Variants in OCA2 observed in about 807,000 individuals in gnomAD.
The protein encoded by OCA2 is P protein.
A neutral mutation model predicts 100.2 loss-of-function variants in OCA2; 77 were observed. That is an observed-to-expected ratio of 0.77 (90% CI 0.64 to 0.93). The LOEUF (loss-of-function observed/expected upper bound fraction) is 0.93. OCA2 is among the 40% of genes least tolerant of loss of function. The pLI is 0.00. For synonymous variants in OCA2, 432 were observed against 439.2 expected (o/e 0.98, Z 0.21); for missense variants, 1,062 against 1,089.1 (o/e 0.98, Z 0.35).
At chr15:27,974,573 G>A (rs2040905519) in intron 14 of OCA2, among the ~76,000 whole-genome samples, 1 of 152,164 alleles carries the variant, frequency 6.6e-6, no homozygotes, top group Admixed American at 6.5e-5. Flanking sequence ...TCCAAGACCA[G>A]CTTGGGCAAC....
intron 19 of OCA2, among the ~76,000 whole-genome samples, chr15:27,891,086 G>GT (rs1212295176): frequency 1.5e-4 from 22 of 151,676 alleles, no homozygotes; most frequent in Non-Finnish European, 2.8e-4. Flanking sequence ...AAGCAGAAAT[G>GT]TGTACACACA....
chr15:27,958,069 C>G (rs962964432), intron 15 of OCA2, among the ~76,000 whole-genome samples: 3 of 151,926 alleles, frequency 2.0e-5, no homozygotes, highest in African/African-American at 7.3e-5. Flanking sequence ...GGGTAGGGGG[C>G]AGGGATAGCA....
intron 19 of OCA2, among the ~76,000 whole-genome samples, chr15:27,884,623 CAG>C (rs1297696925): frequency 6.6e-6 from 1 of 152,112 alleles, no homozygotes; most frequent in South Asian, 2.1e-4. Flanking sequence ...ACATTGGAAT[CAG>C]AGATCCATTT....
At chr15:27,780,137 A>T (rs1218364392) in intron 23 of OCA2, among the ~76,000 whole-genome samples, 12 of 152,220 alleles carry the variant, frequency 7.9e-5, no homozygotes, top group Non-Finnish European at 1.3e-4. Context: ...CAATTCCATT[A>T]AAGGAAATGT....
chr15:27,738,715 G>A, the OCA2 span, among the ~76,000 whole-genome samples: 1 of 101,680 alleles, frequency 9.8e-6, no homozygotes, highest in Admixed American at 1.1e-4. Context: ...AGCGAGACTC[G>A]GTCTCAGAAA....
At chr15:28,001,037 G>A (rs1295982944) in intron 9 of OCA2, among the ~76,000 whole-genome samples, 1 of 152,098 alleles carries the variant, frequency 6.6e-6, no homozygotes, top group African/African-American at 2.4e-5. Flanking sequence ...CACATGGAAA[G>A]CAATATAGAA....
chr15:27,810,219 T>C (rs142498402), intron 23 of OCA2, among the ~76,000 whole-genome samples: 28 of 152,244 alleles, frequency 1.8e-4, no homozygotes, highest in African/African-American at 6.7e-4. Context: ...TTACAGCCAA[T>C]TGATCTTTGA....
intron 2 of OCA2, among the ~76,000 whole-genome samples, chr15:28,046,013 G>A (rs149136731): frequency 6.7e-4 from 102 of 152,238 alleles, no homozygotes; most frequent in African/African-American, 1.9e-3. Context: ...GAGATGGCTC[G>A]CTGGTTAGGG....
At chr15:27,859,435 A>C (rs1236446369) in intron 21 of OCA2, among the ~76,000 whole-genome samples, 1 of 152,178 alleles carries the variant, frequency 6.6e-6, no homozygotes, top group African/African-American at 2.4e-5. Context: ...AAATAAATAA[A>C]TTTCTAGAAA....
intron 14 of OCA2, among the ~76,000 whole-genome samples, chr15:27,977,200 T>A (rs2040997555): frequency 6.6e-6 from 1 of 152,152 alleles, no homozygotes; most frequent in Admixed American, 6.5e-5. Context: ...ATTGATCTTG[T>A]CAAAGAACCA....
At chr15:28,059,484 T>C (rs1025175320) in intron 2 of OCA2, among the ~76,000 whole-genome samples, 1 of 152,186 alleles carries the variant, frequency 6.6e-6, no homozygotes, top group Non-Finnish European at 1.5e-5. Context: ...AAGCATGCAG[T>C]GAGCTATGAC....
intron 19 of OCA2, among the ~76,000 whole-genome samples, chr15:27,907,976 T>C (rs937527979): frequency 2.0e-5 from 3 of 152,148 alleles, no homozygotes; most frequent in Non-Finnish European, 4.4e-5. Flanking sequence ...TTTCAGATTA[T>C]TGAAAAGAAG....
chr15:28,096,212 T>TTGTCTCCGGGGCGTGGTTG (rs2044978786), intron 1 of OCA2, among the ~76,000 whole-genome samples: 1 of 148,240 alleles, frequency 6.7e-6, no homozygotes, highest in African/African-American at 2.5e-5. Context: ...GGGGCATGGC[T>TTGTCTCCGGGGCGTGGTTG]TGTCTCCGGG....
At chr15:27,945,744 G>A (rs560968086) in intron 18 of OCA2, among the ~76,000 whole-genome samples, 241 of 152,236 alleles carry the variant, frequency 1.6e-3, no homozygotes, top group Non-Finnish European at 3.0e-3. Context: ...AAATAATGAC[G>A]GAAAATTTTC....
At chr15:27,757,442 G>A (rs2030474104) in intron 23 of OCA2, among the ~76,000 whole-genome samples, 1 of 152,208 alleles carries the variant, frequency 6.6e-6, no homozygotes, top group Non-Finnish European at 1.5e-5. Flanking sequence ...TGAAGCAACT[G>A]AAGCTTGCAT....
At chr15:27,877,013 T>G (rs1301437802) in intron 19 of OCA2, among the ~76,000 whole-genome samples, 1 of 151,992 alleles carries the variant, frequency 6.6e-6, no homozygotes, top group Non-Finnish European at 1.5e-5. Flanking sequence ...TTTTCTGTTG[T>G]ATTTCATCTA....
intron 14 of OCA2, among the ~76,000 whole-genome samples, chr15:27,970,915 TAAAG>T (rs2040761435): frequency 6.7e-6 from 1 of 148,340 alleles, no homozygotes; most frequent in Non-Finnish European, 1.5e-5. Context: ...TGGGAAAACG[TAAAG>T]AACGTCCCAG....
At chr15:27,824,019 G>A (rs1229663316) in intron 23 of OCA2, among the ~76,000 whole-genome samples, 3 of 152,118 alleles carry the variant, frequency 2.0e-5, no homozygotes, top group East Asian at 1.9e-4. Flanking sequence ...TTCTACTATC[G>A]AAATGCATCA....
chr15:27,721,505 T>C, the OCA2 span, among the ~76,000 whole-genome samples: 5 of 152,130 alleles, frequency 3.3e-5, no homozygotes, highest in Non-Finnish European at 7.3e-5. Context: ...TAGAAGAAAA[T>C]TGTTTTGCTT....
Sources: allele counts gnomAD v4.1 joint callset (sites outside exome capture counted in the v4.1 genomes callset), GRCh38; gene constraint gnomAD v4.1.1; transcripts MANE v1.5; gene names NCBI Gene and HGNC (gene_info 2026-07-23, HGNC 2026-07-21).